Variants in PRKAR2B observed in about 807,000 individuals in gnomAD.
PRKAR2B encodes protein kinase cAMP-dependent type II regulatory subunit beta.
PRKAR2B carries 14 observed loss-of-function variants against 49.9 expected under a neutral mutation model. That is an observed-to-expected ratio of 0.28 (90% CI 0.19 to 0.44). PRKAR2B has a LOEUF of 0.44. Among genes scored for constraint, PRKAR2B ranks in the 20% least tolerant of loss-of-function variants. PRKAR2B has a pLI of 1.00. For synonymous variants in PRKAR2B, 196 were observed against 197.7 expected, an observed-to-expected ratio of 0.99 and a Z score of 0.07; for missense variants, 393 against 537.9, an observed-to-expected ratio of 0.73 and a Z score of 2.67.
intron 2 of PRKAR2B, among the ~76,000 whole-genome samples, chr7:107,099,986 T>G (rs1047943684): frequency 5.9e-5 from 9 of 152,128 alleles, no homozygotes; most frequent in Non-Finnish European, 1.0e-4. Flanking sequence ...TTGTTGTTGT[T>G]GAGTTGTAGG....
intron 1 of PRKAR2B, among the ~76,000 whole-genome samples, chr7:107,052,770 C>T (rs1483347003): frequency 1.3e-5 from 2 of 152,218 alleles, no homozygotes; most frequent in Admixed American, 6.5e-5. Flanking sequence ...AATTTGCATT[C>T]TCTGTCTATT....
At chr7:107,058,791 A>G (rs1793964791) in intron 1 of PRKAR2B, among the ~76,000 whole-genome samples, 1 of 152,202 alleles carries the variant, frequency 6.6e-6, no homozygotes, top group South Asian at 2.1e-4. Context: ...ATTTTGAACT[A>G]ATTTGGTTGG....
chr7:107,087,552 C>G (rs959525706), intron 2 of PRKAR2B, among the ~76,000 whole-genome samples: 1 of 152,080 alleles, frequency 6.6e-6, no homozygotes, highest in African/African-American at 2.4e-5. Flanking sequence ...TGTTACTGTT[C>G]TAATGTTACC....
chr7:107,102,304 A>G (rs1328994537), intron 2 of PRKAR2B, among the ~76,000 whole-genome samples: 1 of 152,244 alleles, frequency 6.6e-6, no homozygotes, highest in Non-Finnish European at 1.5e-5. Flanking sequence ...TGCCATGGCA[A>G]TGATCTGGAA....
intron 2 of PRKAR2B, among the ~76,000 whole-genome samples, chr7:107,103,433 C>T (rs55760285): frequency 0.063 from 9,534 of 152,258 alleles, 429 homozygotes; most frequent in Non-Finnish European, 0.098. Flanking sequence ...ATTGAGAGAA[C>T]ACAAGAAAAG....
chr7:107,081,998 A>G (rs1794523891), intron 2 of PRKAR2B: 1 of 152,214 alleles, frequency 6.6e-6, no homozygotes, highest in Non-Finnish European at 1.5e-5. Flanking sequence ...TATATAGGCT[A>G]CAAATACAGC....
At chr7:107,134,846 A>G (rs1001330358) in intron 4 of PRKAR2B, among the ~76,000 whole-genome samples, 1 of 152,226 alleles carries the variant, frequency 6.6e-6, no homozygotes, top group African/African-American at 2.4e-5. Context: ...GAAGGGATCA[A>G]AAGCCAAAGA....
At chr7:107,093,146 A>G (rs771563911) in intron 2 of PRKAR2B, among the ~76,000 whole-genome samples, 6 of 152,172 alleles carry the variant, frequency 3.9e-5, no homozygotes, top group Admixed American at 1.3e-4. Context: ...GGTTGCTTCT[A>G]CCTTTGGCTA....
intron 2 of PRKAR2B, among the ~76,000 whole-genome samples, chr7:107,091,028 G>A (rs1360320313): frequency 2.6e-5 from 4 of 152,144 alleles, no homozygotes; most frequent in Admixed American, 6.6e-5. Flanking sequence ...CTTATGAACT[G>A]TTTTTTGATG....
chr7:107,083,698 C>T (rs1292080888), intron 2 of PRKAR2B, among the ~76,000 whole-genome samples: 2 of 152,016 alleles, frequency 1.3e-5, no homozygotes, highest in African/African-American at 2.4e-5. Context: ...CTGCAACCTC[C>T]GCCTCCTGGG....
At chr7:107,107,551 C>T (rs569034308) in intron 2 of PRKAR2B, among the ~76,000 whole-genome samples, 9 of 152,088 alleles carry the variant, frequency 5.9e-5, no homozygotes, top group Admixed American at 5.9e-4. Context: ...GTACAAATGC[C>T]ATCAATTCCT....
chr7:107,103,323 A>G (rs1281834471), intron 2 of PRKAR2B, among the ~76,000 whole-genome samples: 1 of 152,238 alleles, frequency 6.6e-6, no homozygotes, highest in Non-Finnish European at 1.5e-5. Flanking sequence ...TATTGAGCCA[A>G]CGTCTACCTC....
At chr7:107,072,314 C>CAATAATAT (rs923833000) in intron 2 of PRKAR2B, among the ~76,000 whole-genome samples, 2 of 151,696 alleles carry the variant, frequency 1.3e-5, no homozygotes, top group Non-Finnish European at 2.9e-5. Flanking sequence ...ATTGTTATCC[C>CAATAATAT]AATAATATAA....
At chr7:107,159,382 A>C in intron 10 of PRKAR2B, 67 bp from the exon 11 acceptor site, 1 of 1,534,700 alleles carries the variant, frequency 6.5e-7, no homozygotes. Context: ...TCGGTATTGT[A>C]AATGACTTAG....
rs916303450 is a variant in PRKAR2B, at chr7:107,066,208, C to G, written c.308-4073C>G. 9.2e-5 allele frequency among the ~76,000 whole-genome samples: 14 copies of G among 151,908 alleles called. No individual in the cohort carries two copies. In the South Asian group the frequency reaches 2.7e-3, roughly 29 times the overall value. On this transcript the variant is annotated intron_variant, in intron 1 of 10. Transcript: ENST00000265717. ...CTCTTAAAAATGCTAGGATTTTACT[C>G]TGTTCTTAAATCATATTGTTTGTTT... is the stretch of plus-strand genomic sequence containing the variant.
intron 10 of PRKAR2B, among the ~76,000 whole-genome samples, chr7:107,158,232 G>C (rs969217591): frequency 6.6e-6 from 1 of 151,890 alleles, no homozygotes; most frequent in Non-Finnish European, 1.5e-5. Context: ...GTCTATTACA[G>C]TAAAGGTGAG....
chr7:107,063,869 A>G (rs1794076450), intron 1 of PRKAR2B, among the ~76,000 whole-genome samples: 1 of 152,188 alleles, frequency 6.6e-6, no homozygotes, highest in African/African-American at 2.4e-5. Flanking sequence ...TGCAGCTTCC[A>G]GCTTTTCCGG....
intron 2 of PRKAR2B, among the ~76,000 whole-genome samples, chr7:107,102,064 G>A (rs113285340): frequency 0.11 from 17,445 of 151,852 alleles, 1,134 homozygotes; most frequent in Middle Eastern, 0.17. Flanking sequence ...AAAATTAGCC[G>A]GGCATGGTGG....
chr7:107,045,333 T>C, intron 1 of PRKAR2B, 119 bp downstream of exon 1: 5 of 839,894 alleles, frequency 6.0e-6, no homozygotes, highest in Non-Finnish European at 8.8e-6. Flanking sequence ...TTCTCCACCT[T>C]TCCCTACCTT....
Sources: gnomAD v4.1 joint callset for allele counts (sites outside exome capture counted in the v4.1 genomes callset) on GRCh38, gnomAD v4.1.1 for gene constraint, MANE v1.5 for transcripts, NCBI Gene and HGNC (gene_info 2026-07-23, HGNC 2026-07-21) for gene names.